The following MALRD1 variants were observed in gnomAD, a reference collection of about 807,000 sequenced individuals.
MALRD1 encodes MAM and LDL-receptor class A domain-containing protein 1.
A neutral mutation model predicts 242.1 loss-of-function variants in MALRD1; 247 were observed. The ratio of observed to expected loss-of-function variants is 1.02; its 90% CI spans 0.92 to 1.13. The LOEUF is 1.13. Ranked by LOEUF, MALRD1 falls within the 50% of genes most tolerant of loss-of-function variation. MALRD1 has a pLI of 0.00. For missense variants in MALRD1, 2,989 were observed against 2,533.1 expected (o/e 1.18, Z -3.86); for synonymous variants, 995 against 866.6 (o/e 1.15, Z -2.60).
intron 29 of MALRD1, among the ~76,000 whole-genome samples, chr10:19,482,120 A>C (rs767057601): frequency 5.9e-5 from 9 of 152,048 alleles, no homozygotes; most frequent in Admixed American, 2.0e-4. Flanking sequence ...AAATCACATT[A>C]AATGACTTAT....
Position 19,463,400 on chromosome 10 carries a change from GCATCCTCA to G in MALRD1, c.5029+12911_5029+12918del, listed in dbSNP as rs1319042596. Among the ~76,000 whole-genome samples the G allele has an allele frequency of 3.9e-3, 428 of 108,776 alleles. 14 individuals are homozygous for G. The East Asian group carries it at 0.082, about 21-fold the overall frequency. 71.4% of individuals were successfully genotyped at this position (108,776 alleles called of 152,430 possible). On this transcript the variant is annotated intron_variant, in intron 29 of 39. Transcript: ENST00000454679. The stretch of plus-strand genomic sequence containing the variant: ...ATACAATGCATCCTCTGCATCCTCT[GCATCCTCA>G]TAGCTTAGCTCCCACTTACGAGTAA...
intron 18 of MALRD1, among the ~76,000 whole-genome samples, chr10:19,234,701 C>A: frequency 6.6e-6 from 1 of 152,046 alleles, no homozygotes; most frequent in East Asian, 1.9e-4. Context: ...ATAGATCCTA[C>A]TATACTCCAG....
chr10:19,344,293 T>C (rs1449425430), intron 24 of MALRD1, among the ~76,000 whole-genome samples: 1 of 152,136 alleles, frequency 6.6e-6, no homozygotes, highest in Non-Finnish European at 1.5e-5. Context: ...TATTACATTT[T>C]ACATTTAAGA....
At chr10:19,500,292 G>A (rs1418191558) in intron 31 of MALRD1, among the ~76,000 whole-genome samples, 1 of 152,160 alleles carries the variant, frequency 6.6e-6, no homozygotes, top group Non-Finnish European at 1.5e-5. Flanking sequence ...AAAACATGAA[G>A]TTAGTGTATA....
At chr10:19,435,574 A>T (rs1218788022) in intron 28 of MALRD1, among the ~76,000 whole-genome samples, 3 of 152,108 alleles carry the variant, frequency 2.0e-5, no homozygotes, top group African/African-American at 7.2e-5. Flanking sequence ...GCTTTTTTTA[A>T]AATGAATAGA....
chr10:19,217,615 C>T (rs1035946842), intron 18 of MALRD1, among the ~76,000 whole-genome samples: 9 of 150,240 alleles, frequency 6.0e-5, no homozygotes, highest in Non-Finnish European at 1.3e-4. Context: ...TCACTGCAAC[C>T]TTCACCTCCC....
At chr10:19,523,066 C>G (rs1046830848) in intron 31 of MALRD1, among the ~76,000 whole-genome samples, 3 of 152,100 alleles carry the variant, frequency 2.0e-5, no homozygotes, top group Admixed American at 6.5e-5. Context: ...GTTCTAAGTA[C>G]TTTACATGTA....
intron 1 of MALRD1, among the ~76,000 whole-genome samples, chr10:19,053,136 G>A (rs773858671): frequency 2.6e-5 from 4 of 152,136 alleles, no homozygotes; most frequent in Non-Finnish European, 5.9e-5. Flanking sequence ...TTTTGATAAG[G>A]TGAAAAGAAT....
intron 28 of MALRD1, among the ~76,000 whole-genome samples, chr10:19,419,112 C>T (rs1833620555): frequency 6.6e-6 from 1 of 152,164 alleles, no homozygotes; most frequent in Non-Finnish European, 1.5e-5. Context: ...CATCTCCATC[C>T]TTTGCCACCT....
intron 13 of MALRD1, among the ~76,000 whole-genome samples, chr10:19,169,777 T>C (rs377317413): frequency 2.0e-5 from 3 of 152,244 alleles, no homozygotes; most frequent in East Asian, 3.8e-4. Context: ...TTCAAATATT[T>C]AAAGTTTGTC....
intron 20 of MALRD1, 98 bp from the exon 21 acceptor site, chr10:19,282,921 T>G (rs1172346988): frequency 2.4e-6 from 2 of 830,574 alleles, no homozygotes; most frequent in Non-Finnish European, 3.4e-6. Flanking sequence ...AAAGTTACAT[T>G]AGAATTAAAA....
chr10:19,659,841 A>T (rs1368359582), intron 36 of MALRD1, among the ~76,000 whole-genome samples: 1 of 151,954 alleles, frequency 6.6e-6, no homozygotes, highest in Non-Finnish European at 1.5e-5. Flanking sequence ...TCAGCTCCAC[A>T]CTCTACTGAG....
At chr10:19,594,406 A>G (rs1480933221) in intron 33 of MALRD1, among the ~76,000 whole-genome samples, 1 of 152,196 alleles carries the variant, frequency 6.6e-6, no homozygotes, top group Admixed American at 6.5e-5. Context: ...AATTAGTACA[A>G]TCACTATGGA....
intron 18 of MALRD1, among the ~76,000 whole-genome samples, chr10:19,233,457 A>T (rs943398866): frequency 6.6e-6 from 1 of 152,180 alleles, no homozygotes; most frequent in African/African-American, 2.4e-5. Context: ...AGCCGAGATC[A>T]TGCCATTGTA....
In MALRD1 at chr10:19,324,043, G is replaced by A. The variant is rs757014572; in HGVS notation, c.3514G>A (p.Gly1172Arg). The A allele has an allele frequency of 1.0e-5, 16 of 1,550,520 alleles. No homozygotes were observed. The Admixed American group carries it at 1.8e-4, about 17-fold the overall frequency. ...DILTPIISLTGPKCTLVFWTH... is the reference protein window; with the variant it reads ...DILTPIISLTRPKCTLVFWTH... ...TCTCACTCCTATCATTTCACTCACG[G>A]GACCAAAATGTACCTTGGTGTTCTG... Residue 1172 changes from glycine to arginine, a missense_variant, in exon 22 of 40, where the codon GGA (glycine) becomes AGA (arginine). Transcript: ENST00000454679.
intron 18 of MALRD1, among the ~76,000 whole-genome samples, chr10:19,250,279 G>T (rs1202483711): frequency 6.6e-6 from 1 of 151,874 alleles, no homozygotes; most frequent in East Asian, 1.9e-4. Flanking sequence ...CAATAGCTCT[G>T]AACCTTCTTC....
intron 4 of MALRD1, among the ~76,000 whole-genome samples, chr10:19,098,337 T>C (rs1430588616): frequency 6.6e-6 from 1 of 152,194 alleles, no homozygotes; most frequent in African/African-American, 2.4e-5. Context: ...TTTTCATTTC[T>C]TTGATATTTC....
chr10:19,584,424 G>A (rs916803726), intron 33 of MALRD1, among the ~76,000 whole-genome samples: 10 of 151,666 alleles, frequency 6.6e-5, no homozygotes, highest in Non-Finnish European at 8.9e-5. Flanking sequence ...GGTATGTTGT[G>A]TCTTTGTTCT....
intron 36 of MALRD1, among the ~76,000 whole-genome samples, chr10:19,677,943 GT>G (rs1353195501): frequency 2.0e-5 from 3 of 151,986 alleles, no homozygotes; most frequent in Non-Finnish European, 2.9e-5. Context: ...CTCATTGCTA[GT>G]TTTTTGTCAG....
Sources: allele counts gnomAD v4.1 joint callset (sites outside exome capture counted in the v4.1 genomes callset), GRCh38; gene constraint gnomAD v4.1.1; transcripts MANE v1.5; gene names NCBI Gene and HGNC (gene_info 2026-07-23, HGNC 2026-07-21).